MUC5AC: variants seen among roughly 807,000 people sequenced by gnomAD.
The protein encoded by MUC5AC is mucin-5AC.
Under a neutral mutation model 169.7 loss-of-function variants are expected in MUC5AC, and 158 were observed. The ratio of observed to expected loss-of-function variants is 0.93; its 90% CI spans 0.82 to 1.06. MUC5AC has a LOEUF of 1.06. Ranked by LOEUF, MUC5AC falls within the 50% of genes least tolerant of loss-of-function variation. The probability of loss-of-function intolerance (pLI) is 0.00; values close to 1 mark genes in which losing one functional copy is unlikely to be tolerated. For missense variants in MUC5AC, 4,359 were observed against 3,089.9 expected (o/e 1.41, Z -9.74); for synonymous variants, 1,975 against 1,237.0 (o/e 1.60, Z -12.52).
Position 1,181,181 on chromosome 11 carries a change from G to C in MUC5AC, c.3819G>C (p.Glu1273Asp), listed in dbSNP as rs1860807931. The stretch of plus-strand genomic sequence containing the variant: ...GCGTGGAGTGCACCTACAAAGCTGA[G>C]GGTGAGCGGCCGGCAGCCCCTGGGG... ...ERGVECTYKA[E>D]ACVCTYNGQR... Residue 1273 changes from glutamate to aspartate, a missense_variant and splice_region_variant, in exon 29 of 49, where the codon GAG (glutamate) becomes GAC (aspartate). Glu to Asp is a conservative substitution (Grantham distance 45, BLOSUM62 2). Coordinates refer to ENST00000621226, the MANE Select transcript of MUC5AC (RefSeq NM_001304359.2). 1 of 398,644 alleles carries C rather than the reference G, an allele frequency of 2.5e-6. No individual in the cohort carries two copies. The highest frequency in any genetic ancestry group is 2.1e-5 in the African/African-American group (1 of 48,730). The allele number at this position is 398,644 out of a possible 1,614,324, so 24.7% of individuals were successfully genotyped here.
At position 1,168,788 on chromosome 11, in the gene MUC5AC, G is replaced by A; in HGVS notation, c.1705+9G>A. 1 of 1,591,752 alleles carries A rather than the reference G, an allele frequency of 6.3e-7. No individual in the cohort carries two copies. Among genetic ancestry groups the A allele is most frequent in the South Asian group, 1.1e-5 (1 of 89,458 alleles). ...CCGTGGGCAGACCTGCGGTAAGAGG[G>A]CTGCCTTCTGGGCTTGGAGCCCACC... On this transcript the variant is annotated intron_variant, in intron 14 of 48. Coordinates refer to ENST00000621226, the MANE Select transcript of MUC5AC (RefSeq NM_001304359.2).
At position 1,192,886 on chromosome 11, in the gene MUC5AC, C is replaced by G. The variant is rs543878963; in HGVS notation, c.14484C>G (p.Ser4828=). 17 of 764,656 alleles carry G rather than the reference C, an allele frequency of 2.2e-5. No individual in the cohort carries two copies. In the East Asian group the frequency reaches 4.1e-4, roughly 19 times the overall value. 47.4% of individuals were successfully genotyped at this position (764,656 alleles called of 1,614,324 possible). ...VVRGVDSDCP[S]TTLPPAPATS... is the part of the protein sequence containing the mutation. ...GAGGGGTTGACAGTGACTGTCCGTC[C>G]ACCACGCTGCCTCCTGCCCCAGCCA... Residue 4828 remains serine (S), a synonymous_variant, in exon 32 of 49, where the codon TCC becomes TCG. Transcript: ENST00000621226.
At chr11:1,173,281 T>C (rs956511267) in intron 16 of MUC5AC, among the ~76,000 whole-genome samples, 9 of 148,218 alleles carry the variant, frequency 6.1e-5, no homozygotes, top group Admixed American at 2.0e-4. Context: ...TATTCATTAC[T>C]CACTCACTCA....
Position 1,194,497 on chromosome 11 carries a change from A to G in MUC5AC, c.15017A>G (p.Asn5006Ser), listed in dbSNP as rs1326404219. 5 of 758,900 alleles carry G rather than the reference A, an allele frequency of 6.6e-6. No homozygotes were observed. Among genetic ancestry groups the G allele is most frequent in the Non-Finnish European group, 1.2e-5 (5 of 413,612 alleles). The allele number at this position is 758,900 out of a possible 1,614,324, so 47.0% of individuals were successfully genotyped here. ...ACGCCCTGCGTCCAGATCATCTTCA[A>G]CAACAAGGTGGTCAGCCCCGGCTTC... is the stretch of plus-strand genomic sequence containing the variant. ...HGVMTNEIIF[N>S]NKVVSPGFRK... Residue 5006 changes from asparagine (N) to serine (S), a missense_variant, in exon 35 of 49, where the codon AAC (asparagine) becomes AGC (serine). Asn to Ser is a conservative substitution (Grantham distance 46). Transcript: ENST00000621226.
chr11:1,183,584 G>T lies in MUC5AC; in HGVS notation c.5439G>T (p.Arg1813=), dbSNP rs1490006886. Residue 1813 remains arginine, a synonymous_variant, in exon 31 of 49, where the codon CGG becomes CGT. Transcript: ENST00000621226. The part of the protein sequence containing the change: ...EHLGQVVQCS[R]EEGLVCRNQD... The stretch of plus-strand genomic sequence containing the variant: ...TGGGCCAGGTGGTGCAGTGCAGCCG[G>T]GAAGAGGGCCTGGTGTGCCGGAACC... 14 of 645,406 alleles carry T rather than the reference G, an allele frequency of 2.2e-5. No homozygotes were observed. Among genetic ancestry groups the T allele is most frequent in the South Asian group, 9.2e-5 (5 of 54,080 alleles). 40.0% of individuals were successfully genotyped at this position (645,406 alleles called of 1,614,324 possible).
chr11:1,179,078 C>T lies in MUC5AC; in HGVS notation c.3328-14C>T, dbSNP rs1225701434. The T allele has an allele frequency of 7.7e-6, 4 of 521,050 alleles. No homozygotes were observed. Among genetic ancestry groups the T allele is most frequent in the African/African-American group, 3.8e-5 (2 of 52,232 alleles). The allele number at this position is 521,050 out of a possible 1,614,324, so 32.3% of individuals were successfully genotyped here. ...TGGGGGGGTCCCTGGAACCTGAAGC[C>T]CCGTCTCCCTCAGGTGGAGCCGGCC... On this transcript the variant is annotated splice_polypyrimidine_tract_variant and intron_variant, in intron 25 of 48. Transcript: ENST00000621226.
chr11:1,197,745 C>T, intron 41 of MUC5AC, 106 bp downstream of exon 41: 1 of 630,432 alleles, frequency 1.6e-6, no homozygotes, highest in East Asian at 2.7e-5. Flanking sequence ...GGGGACAGTG[C>T]CTACGAGGGC....
At chr11:1,164,622 A>T (rs1412727596) in intron 9 of MUC5AC, 90 bp downstream of exon 9, 9 of 1,464,926 alleles carry the variant, frequency 6.1e-6, no homozygotes, top group Non-Finnish European at 8.1e-6. Context: ...GAAGGACCCC[A>T]GTCCTAGTGT....
At position 1,192,897 on chromosome 11, in the gene MUC5AC, C is replaced by T. The variant is rs765019696; in HGVS notation, c.14495C>T (p.Pro4832Leu). ...AGTGACTGTCCGTCCACCACGCTGC[C>T]TCCTGCCCCAGCCACGTCCCCTTCA... ...VDSDCPSTTLPPAPATSPSIS... is the reference protein window; with the variant it reads ...VDSDCPSTTLLPAPATSPSIS... Residue 4832 changes from proline (P) to leucine (L), a missense_variant, in exon 32 of 49, where the codon CCT (proline) becomes CTT (leucine). By Grantham distance (98) the Pro-to-Leu change is moderately conservative. Transcript: ENST00000621226. 4 of 764,302 alleles carry T rather than the reference C, an allele frequency of 5.2e-6. No homozygotes were observed. In the Admixed American group the frequency reaches 6.8e-5, roughly 13 times the overall value. 47.3% of individuals were successfully genotyped at this position (764,302 alleles called of 1,614,324 possible).
Position 1,184,972 on chromosome 11 carries a change from C to G in MUC5AC, c.6827C>G (p.Thr2276Arg). The G allele has an allele frequency of 1.5e-6, 1 of 666,818 alleles. No individual in the cohort carries two copies. Among genetic ancestry groups the G allele is most frequent in the South Asian group, 1.7e-5 (1 of 59,726 alleles). 41.3% of individuals were successfully genotyped at this position (666,818 alleles called of 1,614,324 possible). Reference sequence around the variant, plus strand: ...ACAACCTATGCCCATACAACCAGCACAACCTCTGCTCCTACAGCCAGAACA... The same window carrying G: ...ACAACCTATGCCCATACAACCAGCAGAACCTCTGCTCCTACAGCCAGAACA... The part of the protein sequence containing the change: ...TSTTYAHTTS[T>R]TSAPTARTTS... Residue 2276 changes from threonine to arginine, a missense_variant, in exon 31 of 49, where the codon ACA becomes AGA. Thr to Arg is a moderately conservative substitution (Grantham distance 71). Transcript: ENST00000621226.
intron 32 of MUC5AC, 67 bp from the exon 33 acceptor site, chr11:1,193,418 C>G: frequency 1.5e-6 from 1 of 662,528 alleles, no homozygotes; most frequent in Non-Finnish European, 2.8e-6. Context: ...GACTGTGACC[C>G]CGAGAACCAA....
At chr11:1,167,801 C>T in intron 11 of MUC5AC, 76 bp from the exon 12 acceptor site, 3 of 1,252,976 alleles carry the variant, frequency 2.4e-6, no homozygotes, top group Non-Finnish European at 3.4e-6. Flanking sequence ...AGGAGCACAG[C>T]CGGGTGGACT....
chr11:1,180,302 C>A (rs1484428183), intron 27 of MUC5AC, 52 bp from the exon 28 acceptor site: 12 of 398,508 alleles, frequency 3.0e-5, no homozygotes, highest in Non-Finnish European at 4.4e-5. Context: ...CCCTCCAGAG[C>A]GAGGTGGACG....
rs796469267 is a variant in MUC5AC, at chr11:1,191,585, T to A, written c.13440T>A (p.Thr4480=). 1 of 735,044 alleles carries A rather than the reference T, an allele frequency of 1.4e-6. No individual in the cohort carries two copies. The highest frequency in any genetic ancestry group is 1.9e-5 in the African/African-American group (1 of 52,446). 45.5% of individuals were successfully genotyped at this position (735,044 alleles called of 1,614,324 possible). The stretch of plus-strand genomic sequence containing the variant: ...GCATGACCTCTGGTCCTGGAACTAC[T>A]CCCAGCCCTGTTCCCACCACCAGCA... ...ITSMTSGPGT[T]PSPVPTTSTT... is the part of the protein sequence containing the mutation. The change falls in exon 31 of 49, where the codon ACT becomes ACA. Residue 4480 remains threonine, a synonymous_variant. Transcript: ENST00000621226.
At chr11:1,159,477 TGTACGA>T in intron 1 of MUC5AC, among the ~76,000 whole-genome samples, 2 of 144,858 alleles carry the variant, frequency 1.4e-5, no homozygotes, top group East Asian at 2.1e-4. Context: ...TGTGCGGGGC[TGTACGA>T]GGCTGTGAGG....
chr11:1,159,763 G>C (rs557888753), intron 1 of MUC5AC, among the ~76,000 whole-genome samples: 1 of 105,298 alleles, frequency 9.5e-6, no homozygotes, highest in East Asian at 3.3e-4. Flanking sequence ...TCTATGCAGG[G>C]CTGTGCGGGG....
In MUC5AC at chr11:1,195,122, G is replaced by A. The variant is rs1347357368; in HGVS notation, c.15301G>A (p.Ala5101Thr). 3.9e-6 allele frequency: 3 copies of A among 763,334 alleles called. No homozygotes were observed. The highest frequency in any genetic ancestry group is 7.2e-6 in the Non-Finnish European group (3 of 417,436). 47.3% of individuals were successfully genotyped at this position (763,334 alleles called of 1,614,324 possible). A position where few individuals can be genotyped will look rare whatever the true frequency, so the allele number is the denominator to read the frequency against. Residue 5101 changes from alanine to threonine, a missense_variant, in exon 36 of 49, where the codon GCC (alanine) becomes ACC (threonine). Coordinates refer to ENST00000621226, the MANE Select transcript of MUC5AC (RefSeq NM_001304359.2). ...LWNVSIPDQP[A>T]CHRPHPTPTT... ...GAACGTGAGCATACCCGACCAGCCA[G>A]CCTGCCACCGGCCTCACCCGACGCC...
At chr11:1,195,486 G>A (rs1161916885) in intron 36 of MUC5AC, among the ~76,000 whole-genome samples, 2 of 152,100 alleles carry the variant, frequency 1.3e-5, no homozygotes. Flanking sequence ...TGCCGGGAAG[G>A]GGTGGTTGTG....
In MUC5AC at chr11:1,161,916, C is replaced by T. The variant is rs374772504; in HGVS notation, c.221C>T (p.Pro74Leu). ...RTIPVVRASNPAHNGRVCSTW... is the reference protein window; with the variant it reads ...RTIPVVRASNLAHNGRVCSTW... ...GCTGCTTCCACCGCAGCCTCCAACCCGGCGCACAACGGGCGGGTGTGCAGC... is the reference window on the plus strand; with the variant it reads ...GCTGCTTCCACCGCAGCCTCCAACCTGGCGCACAACGGGCGGGTGTGCAGC... The change falls in exon 4 of 49, where the codon CCG (proline) becomes CTG (leucine). Residue 74 changes from proline (P) to leucine (L), a missense_variant. By Grantham distance (98) the Pro-to-Leu change is moderately conservative (BLOSUM62 -3). Transcript: ENST00000621226. The T allele has an allele frequency of 1.7e-5, 27 of 1,611,362 alleles. No homozygotes were observed. The highest frequency in any genetic ancestry group is 1.6e-4 in the African/African-American group (12 of 74,908).
Sources: allele counts gnomAD v4.1 joint callset (sites outside exome capture counted in the v4.1 genomes callset), GRCh38; gene constraint gnomAD v4.1.1; transcripts MANE v1.5; gene names NCBI Gene and HGNC (gene_info 2026-07-23, HGNC 2026-07-21).